The following PCDH11X variants were observed in gnomAD, a reference collection of about 807,000 sequenced individuals.
PCDH11X encodes protocadherin 11 X-linked.
In PCDH11X, 18 loss-of-function variants were observed where a neutral mutation model predicts 53.3. That is an observed-to-expected ratio of 0.34 (90% CI 0.23 to 0.50). The LOEUF (loss-of-function observed/expected upper bound fraction) is 0.50. PCDH11X is among the 20% of genes least tolerant of loss of function. The probability of loss-of-function intolerance (pLI) is 0.98; values close to 1 mark genes in which losing one functional copy is unlikely to be tolerated. For synonymous variants in PCDH11X, 279 were observed against 393.3 expected (o/e 0.71, Z 3.44); for missense variants, 570 against 1,032.4 (o/e 0.55, Z 6.14).
chrX:92,572,173 A>G (rs1173870380), intron 10 of PCDH11X, among the ~76,000 whole-genome samples: 2 of 112,208 alleles, frequency 1.8e-5, no homozygotes, highest in East Asian at 5.6e-4. Context: ...AAGCTTAAAA[A>G]CTAAGTCATG....
chrX:91,799,987 G>A (rs1935873803), intron 1 of PCDH11X, among the ~76,000 whole-genome samples: 1 of 112,350 alleles, frequency 8.9e-6, no homozygotes, highest in Non-Finnish European at 1.9e-5. Flanking sequence ...TACTCGGGAG[G>A]CTGAGGCACA....
At chrX:91,819,719 G>T (rs1412472826) in intron 4 of PCDH11X, among the ~76,000 whole-genome samples, 26 of 94,676 alleles carry the variant, frequency 2.7e-4, no homozygotes, top group African/African-American at 1.0e-3. Flanking sequence ...TGTGCACATT[G>T]TGCAGGTTAG....
rs915299348 is a variant in PCDH11X, at chrX:92,263,171, G to A, written c.3144+28G>A. 2.6e-6 allele frequency: 3 copies of A among 1,147,695 alleles called. No individual in the cohort carries two copies. The African/African-American group carries it at 5.4e-5, about 21-fold the overall frequency. The allele number at this position is 1,147,695 out of a possible 1,213,427, so 94.6% of individuals were successfully genotyped here. The stretch of plus-strand genomic sequence containing the variant: ...AAGACTGCAAATTTCAAAGAAAATT[G>A]ATTTTGAAATGTTGTGTTTATACTG... On this transcript the variant is annotated intron_variant, in intron 8 of 10. Transcript: ENST00000682573.
At chrX:92,197,548 GA>G (rs1377696594) in intron 6 of PCDH11X, among the ~76,000 whole-genome samples, 1 of 111,452 alleles carries the variant, frequency 9.0e-6, no homozygotes, top group Non-Finnish European at 1.9e-5. Flanking sequence ...AAATAAGAAT[GA>G]AAAAAAGTTT....
chrX:92,149,430 ACTCT>A (rs199657624), intron 6 of PCDH11X, among the ~76,000 whole-genome samples: 20,839 of 79,847 alleles, frequency 0.26, 2,389 homozygotes, highest in East Asian at 0.85. Flanking sequence ...TCTTTCTCTC[ACTCT>A]CTCTCTCTCT....
At chrX:91,941,071 G>A in intron 6 of PCDH11X, among the ~76,000 whole-genome samples, 1 of 110,826 alleles carries the variant, frequency 9.0e-6, no homozygotes, top group Non-Finnish European at 1.9e-5. Context: ...TAATTGGATT[G>A]TTTGTAATTC....
intron 10 of PCDH11X, among the ~76,000 whole-genome samples, chrX:92,549,997 TG>T (rs2148748825): frequency 9.0e-6 from 1 of 110,650 alleles, no homozygotes; most frequent in Admixed American, 9.7e-5. Flanking sequence ...CATAAATTAT[TG>T]TAAACTAGAG....
chrX:92,494,660 C>T (rs1386929876), intron 10 of PCDH11X, among the ~76,000 whole-genome samples: 10 of 111,026 alleles, frequency 9.0e-5, no homozygotes, highest in Middle Eastern at 4.7e-3. Context: ...CAAGAAAATG[C>T]AATTGATCTA....
chrX:92,380,428 G>C lies in PCDH11X; in HGVS notation c.3145-7307G>C, dbSNP rs183208598. ...CCCAGTGGGCCCGAGCAAAACTCGAGCAAAGGCACCATCGGCCACAGAGGT... is the reference window on the plus strand; with the variant it reads ...CCCAGTGGGCCCGAGCAAAACTCGACCAAAGGCACCATCGGCCACAGAGGT... On this transcript the variant is annotated intron_variant, in intron 8 of 10. Transcript: ENST00000682573. 6.6e-3 allele frequency among the ~76,000 whole-genome samples: 747 copies of C among 112,335 alleles called. 5 individuals carry two copies. Among genetic ancestry groups the C allele is most frequent in the African/African-American group, 0.023 (716 of 30,892 alleles).
chrX:92,097,522 CCTTT>C (rs1208489505), intron 6 of PCDH11X, among the ~76,000 whole-genome samples: 1 of 109,787 alleles, frequency 9.1e-6, no homozygotes, highest in Non-Finnish European at 1.9e-5. Flanking sequence ...CTTTTCATTT[CCTTT>C]CTAAGTCTTT....
At chrX:91,870,862 G>C (rs1392469536) in intron 5 of PCDH11X, among the ~76,000 whole-genome samples, 1 of 110,674 alleles carries the variant, frequency 9.0e-6, no homozygotes, top group Non-Finnish European at 1.9e-5. Context: ...GAGAGATGGT[G>C]TTTTCTTACA....
At chrX:92,575,942 T>TACACACACACACAC (rs1163516940) in intron 10 of PCDH11X, among the ~76,000 whole-genome samples, 1 of 23,459 alleles carries the variant, frequency 4.3e-5, no homozygotes, top group Non-Finnish European at 7.1e-5. Flanking sequence ...TATATATATA[T>TACACACACACACAC]ATACACACAC....
chrX:92,513,866 CTT>C (rs761144886), intron 10 of PCDH11X, among the ~76,000 whole-genome samples: 37 of 110,966 alleles, frequency 3.3e-4, no homozygotes, highest in Non-Finnish European at 5.9e-4. Context: ...TTTTAGAACA[CTT>C]TTCCTCACCC....
chrX:92,363,664 T>C, intron 8 of PCDH11X, among the ~76,000 whole-genome samples: 1 of 110,909 alleles, frequency 9.0e-6, no homozygotes, highest in Non-Finnish European at 1.9e-5. Flanking sequence ...CTTGCCTCAT[T>C]GCTCTGGCTA....
chrX:92,235,097 G>T (rs2067145153), intron 7 of PCDH11X, among the ~76,000 whole-genome samples: 1 of 111,116 alleles, frequency 9.0e-6, no homozygotes, highest in Non-Finnish European at 1.9e-5. Flanking sequence ...GAAAGAAGCT[G>T]CAGAAGGATA....
At chrX:92,609,110 T>C (rs1927100253) in intron 10 of PCDH11X, among the ~76,000 whole-genome samples, 1 of 111,892 alleles carries the variant, frequency 8.9e-6, no homozygotes, top group African/African-American at 3.2e-5. Context: ...TATTTCAGTG[T>C]ATGGCTATGA....
intron 8 of PCDH11X, among the ~76,000 whole-genome samples, chrX:92,345,191 A>G (rs1219716608): frequency 9.0e-6 from 1 of 111,004 alleles, no homozygotes; most frequent in Non-Finnish European, 1.9e-5. Flanking sequence ...AGCCTTAGTG[A>G]AAACAGAGCT....
intron 10 of PCDH11X, among the ~76,000 whole-genome samples, chrX:92,585,792 A>T: frequency 9.0e-6 from 1 of 110,598 alleles, no homozygotes; most frequent in Middle Eastern, 4.6e-3. Flanking sequence ...CATAAAATAT[A>T]AAATGATGAA....
intron 10 of PCDH11X, among the ~76,000 whole-genome samples, chrX:92,600,985 T>C (rs1926164332): frequency 9.0e-6 from 1 of 111,103 alleles, no homozygotes; most frequent in South Asian, 3.8e-4. Context: ...AGTCTCTTCG[T>C]TTTGGCCAAT....
Sources: gnomAD v4.1 joint callset for allele counts (sites outside exome capture counted in the v4.1 genomes callset) on GRCh38, gnomAD v4.1.1 for gene constraint, MANE v1.5 for transcripts, NCBI Gene and HGNC (gene_info 2026-07-23, HGNC 2026-07-21) for gene names.